The following RGS12 variants were observed in gnomAD, a reference collection of about 807,000 sequenced individuals.
RGS12 encodes the protein regulator of G protein signaling 12, also known as regulator of G-protein signaling 12.
A neutral mutation model predicts 120.1 loss-of-function variants in RGS12; 66 were observed. The observed-to-expected ratio is 0.55, with a 90% CI of 0.45 to 0.67. RGS12 has a LOEUF of 0.67. Among genes scored for constraint, RGS12 ranks in the 30% least tolerant of loss-of-function variants. The pLI is 0.00. For missense variants in RGS12, 1,859 were observed against 1,957.7 expected (o/e 0.95, Z 0.95); for synonymous variants, 827 against 804.7 (o/e 1.03, Z -0.47).
chr4:3,309,110 T>G (rs1374917053), intron 1 of RGS12, among the ~76,000 whole-genome samples: 5 of 99,866 alleles, frequency 5.0e-5, no homozygotes, highest in East Asian at 3.1e-4. Context: ...AGGGGAACCG[T>G]GTTGAGGAGG....
In RGS12 at chr4:3,365,456, G is replaced by T. The variant is rs1265938661; in HGVS notation, c.1999-20960G>T. The stretch of plus-strand genomic sequence containing the variant: ...CTTTTGCGTCTGTCCCCAGTGAGTT[G>T]CCTTGATTCCATCTTGAGGCCTGTA... On this transcript the variant is annotated intron_variant, in intron 3 of 17. Coordinates refer to ENST00000336727, the MANE Select transcript of RGS12 (RefSeq NM_001394154.1). This position sits in a 1 kb window ranked among gnomAD's most constrained non-coding sequence, Gnocchi z 4.0. Among the ~76,000 whole-genome samples the T allele has an allele frequency of 1.3e-5, 2 of 152,100 alleles. No individual in the cohort carries two copies. Among genetic ancestry groups the T allele is most frequent in the Non-Finnish European group, 2.9e-5 (2 of 68,016 alleles).
At chr4:3,355,705 G>A (rs1268125525) in intron 3 of RGS12, among the ~76,000 whole-genome samples, 1 of 141,548 alleles carries the variant, frequency 7.1e-6, no homozygotes, top group South Asian at 2.1e-4. Flanking sequence ...TGAGGTGGGA[G>A]GATTGCCTGA....
chr4:3,428,551 A>G lies in RGS12; in HGVS notation c.3412-7A>G. On this transcript the variant is annotated splice_region_variant and splice_polypyrimidine_tract_variant and intron_variant, in intron 15 of 17. Transcript: ENST00000336727. ...AAAGTAGAACTTTGACTTTCCTTCT[A>G]ATGCAGGGAGAGGAAAGAACACTAG... 4.4e-6 allele frequency: 7 copies of G among 1,573,240 alleles called. No individual in the cohort carries two copies. Among genetic ancestry groups the G allele is most frequent in the Non-Finnish European group, 6.0e-6 (7 of 1,165,210 alleles).
At chr4:3,383,676 G>A (rs1466298389) in intron 3 of RGS12, among the ~76,000 whole-genome samples, 1 of 151,906 alleles carries the variant, frequency 6.6e-6, no homozygotes, top group East Asian at 1.9e-4. Context: ...TGTTTGAAAA[G>A]GTAAAGTTTA....
chr4:3,414,256 G>T lies in RGS12; in HGVS notation c.2190+15G>T. 6.5e-7 allele frequency: 1 copy of T among 1,528,506 alleles called. No individual in the cohort carries two copies. The allele number at this position is 1,528,506 out of a possible 1,614,324, so 94.7% of individuals were successfully genotyped here. On this transcript the variant is annotated intron_variant, in intron 5 of 17. Coordinates refer to ENST00000336727, the MANE Select transcript of RGS12 (RefSeq NM_001394154.1). ...GCTACTTCTCTGTGAGTAGGGAAGG[G>T]CCCAGGAGCAGCGGAGCGGTCTGTG...
rs768504028 is a variant in RGS12, at chr4:3,422,553, C to G, written c.3016C>G (p.Leu1006Val). 1.6e-5 allele frequency: 25 copies of G among 1,612,330 alleles called. No individual in the cohort carries two copies. In the East Asian group the frequency reaches 5.3e-4, roughly 34 times the overall value. Residue 1006 changes from leucine to valine, a missense_variant, in exon 11 of 18, where the codon CTG becomes GTG. By Grantham distance (32) the Leu-to-Val change is conservative (BLOSUM62 1). Transcript: ENST00000336727. ...GINGAAADLF[L>V]VGGDKPLVLH... Reference sequence around the variant, plus strand: ...CAACGGGGCGGCCGCGGACCTCTTCCTGGTGGGCGGGGACAAGGTACTGGG... The same window carrying G: ...CAACGGGGCGGCCGCGGACCTCTTCGTGGTGGGCGGGGACAAGGTACTGGG...
At chr4:3,286,826 G>T in the RGS12 span, among the ~76,000 whole-genome samples, 1 of 152,216 alleles carries the variant, frequency 6.6e-6, no homozygotes, top group Non-Finnish European at 1.5e-5. Context: ...GAGAGCCCCC[G>T]TCAGGCCCTT....
intron 10 of RGS12, among the ~76,000 whole-genome samples, chr4:3,420,951 G>A (rs1481700003): frequency 1.3e-5 from 2 of 152,264 alleles, no homozygotes; most frequent in East Asian, 1.9e-4. Context: ...GAGAGGGCAC[G>A]AAAAACTATT....
At chr4:3,393,372 A>G (rs1407220797) in intron 4 of RGS12, among the ~76,000 whole-genome samples, 1 of 152,136 alleles carries the variant, frequency 6.6e-6, no homozygotes, top group African/African-American at 2.4e-5. Context: ...GAACTCAGCC[A>G]CAGGTGGAGG....
chr4:3,301,805 T>C, intron 1 of RGS12, among the ~76,000 whole-genome samples: 1 of 151,488 alleles, frequency 6.6e-6, no homozygotes. Flanking sequence ...GGTGGGGTGA[T>C]GGGGGACCTC....
rs745846237 is a variant in RGS12 at position 3,425,493 on chromosome 4, C to T, written c.3264C>T (p.Gly1088=). The T allele has an allele frequency of 6.8e-6, 11 of 1,612,088 alleles. No individual in the cohort carries two copies. The highest frequency in any genetic ancestry group is 1.3e-5 in the African/African-American group (1 of 74,606). The change falls in exon 14 of 18, where the codon GGC becomes GGT. Residue 1088 remains glycine (G), a synonymous_variant. Transcript: ENST00000336727. The part of the protein sequence containing the change: ...LSGEKEPLDL[G]APISSLDGQR... ...GAGAGAAGGAGCCCCTGGACCTTGG[C>T]GCCCCTATATCGAGTCTGGACGGAC...
chr4:3,422,170 C>T (rs929544141), intron 10 of RGS12, among the ~76,000 whole-genome samples: 2 of 152,214 alleles, frequency 1.3e-5, no homozygotes, highest in Admixed American at 1.3e-4. Flanking sequence ...GATGACCGCT[C>T]TCTCGTGTTA....
intron 1 of RGS12, among the ~76,000 whole-genome samples, chr4:3,297,394 G>T (rs2110349237): frequency 6.6e-6 from 1 of 152,350 alleles, no homozygotes; most frequent in African/African-American, 2.4e-5. Context: ...GGCATTTACT[G>T]CTGTTGAAGC....
At chr4:3,342,429 C>T in intron 2 of RGS12, 1 of 1,268,560 alleles carries the variant, frequency 7.9e-7, no homozygotes, top group South Asian at 1.3e-5. Flanking sequence ...ATTTCCTGCG[C>T]CGGAGTTGGT....
rs1030642903 is a variant in RGS12, at chr4:3,423,515, G to A, written c.3108G>A (p.Arg1036=). ...DLRLEKRTLF[R]LDLVPINRSV... The stretch of plus-strand genomic sequence containing the variant: ...AGTGAATTTTTTCATCCCCCACCAG[G>A]CTGGATCTTGTTCCGATTAACCGGT... The change falls in exon 13 of 18, where the codon CGG becomes CGA. Residue 1036 remains arginine, a splice_region_variant and synonymous_variant. Coordinates refer to ENST00000336727, the MANE Select transcript of RGS12 (RefSeq NM_001394154.1). 1 of 1,613,078 alleles carries A rather than the reference G, an allele frequency of 6.2e-7. No homozygotes were observed. The highest frequency in any genetic ancestry group is 1.3e-5 in the African/African-American group (1 of 75,060).
intron 10 of RGS12, among the ~76,000 whole-genome samples, chr4:3,421,415 A>T (rs1361867893): frequency 1.3e-5 from 2 of 152,258 alleles, no homozygotes; most frequent in African/African-American, 2.4e-5. Context: ...ACCAGGTATC[A>T]GTTAGCTCTT....
At chr4:3,411,155 T>C (rs561787545) in intron 4 of RGS12, among the ~76,000 whole-genome samples, 5 of 152,340 alleles carry the variant, frequency 3.3e-5, no homozygotes, top group African/African-American at 9.6e-5. Context: ...TTTGTTTCAG[T>C]GTGTGCTGGA....
chr4:3,333,891 A>C (rs1712160706), intron 2 of RGS12, among the ~76,000 whole-genome samples: 1 of 152,194 alleles, frequency 6.6e-6, no homozygotes, highest in Non-Finnish European at 1.5e-5. Flanking sequence ...TATCTTTAGG[A>C]GATCAAGCCT....
chr4:3,294,455 T>C (rs982317059), intron 1 of RGS12, among the ~76,000 whole-genome samples: 3 of 152,230 alleles, frequency 2.0e-5, no homozygotes, highest in Non-Finnish European at 4.4e-5. Flanking sequence ...CTTTAGAAAG[T>C]AATTGTCACA....
Sources: gnomAD v4.1 joint callset for allele counts (sites outside exome capture counted in the v4.1 genomes callset) on GRCh38, gnomAD v4.1.1 for gene constraint, Gnocchi (gnomAD v3.1) non-coding constraint, MANE v1.5 for transcripts, NCBI Gene and HGNC (gene_info 2026-07-23, HGNC 2026-07-21) for gene names.